OCA2: variants seen among roughly 807,000 people sequenced by gnomAD.
OCA2 encodes OCA2 melanosomal transmembrane protein, also known as P protein.
Under a neutral mutation model 100.2 loss-of-function variants are expected in OCA2, and 77 were observed. The ratio of observed to expected loss-of-function variants is 0.77; its 90% confidence interval spans 0.64 to 0.93. The LOEUF is 0.93. Ranked by LOEUF, OCA2 falls within the 40% of genes least tolerant of loss-of-function variation. The probability of loss-of-function intolerance (pLI) is 0.00; values close to 1 mark genes in which losing one functional copy is unlikely to be tolerated. For synonymous variants in OCA2, 432 were observed against 439.2 expected (o/e 0.98, Z 0.21); for missense variants, 1,062 against 1,089.1 (o/e 0.98, Z 0.35).
chr15:27,814,948 A>AGG (rs1491372024), intron 23 of OCA2, among the ~76,000 whole-genome samples: 32 of 150,218 alleles, frequency 2.1e-4, no homozygotes, highest in African/African-American at 7.9e-4. Flanking sequence ...AGATAGATAC[A>AGG]GAGATATATA....
intron 21 of OCA2, among the ~76,000 whole-genome samples, chr15:27,862,255 G>A (rs958302381): frequency 2.7e-5 from 4 of 148,406 alleles, no homozygotes; most frequent in African/African-American, 7.6e-5. Flanking sequence ...GAGTCCTCAC[G>A]GACAGAAAGC....
intron 23 of OCA2, among the ~76,000 whole-genome samples, chr15:27,756,919 T>C (rs1049831103): frequency 1.3e-5 from 2 of 152,204 alleles, no homozygotes; most frequent in Non-Finnish European, 2.9e-5. Flanking sequence ...GTCTTGAGGA[T>C]GGCACCAACG....
intron 14 of OCA2, among the ~76,000 whole-genome samples, chr15:27,974,956 T>C (rs960855212): frequency 1.3e-5 from 2 of 152,206 alleles, no homozygotes; most frequent in African/African-American, 4.8e-5. Context: ...TCACCTTTCT[T>C]TCCTACCATC....
chr15:27,734,084 T>C, the OCA2 span, among the ~76,000 whole-genome samples: 1 of 149,892 alleles, frequency 6.7e-6, no homozygotes, highest in East Asian at 2.0e-4. Flanking sequence ...TGCTTGAGCC[T>C]GGCAGGCAGA....
At chr15:27,899,457 T>C (rs1056846699) in intron 19 of OCA2, among the ~76,000 whole-genome samples, 3 of 152,198 alleles carry the variant, frequency 2.0e-5, no homozygotes, top group African/African-American at 7.2e-5. Flanking sequence ...AAATTTATGA[T>C]TAGGTTAGAA....
chr15:27,997,815 G>C (rs1474614650), intron 9 of OCA2, among the ~76,000 whole-genome samples: 24 of 132,126 alleles, frequency 1.8e-4, no homozygotes, highest in South Asian at 4.6e-4. Context: ...CATGAGCATG[G>C]AATGTTCTTC....
chr15:27,903,045 G>C (rs1041995228), intron 19 of OCA2, among the ~76,000 whole-genome samples: 1 of 152,226 alleles, frequency 6.6e-6, no homozygotes, highest in Non-Finnish European at 1.5e-5. Context: ...CAAGGAAGGA[G>C]GCCAAGGGGA....
intron 2 of OCA2, among the ~76,000 whole-genome samples, chr15:28,047,066 C>G (rs552977800): frequency 6.6e-6 from 1 of 152,126 alleles, no homozygotes; most frequent in African/African-American, 2.4e-5. Context: ...GCCTGTGCAT[C>G]CCTCTCTTTG....
intron 18 of OCA2, among the ~76,000 whole-genome samples, chr15:27,947,833 C>T (rs1331541028): frequency 8.5e-5 from 13 of 152,284 alleles, no homozygotes; most frequent in South Asian, 6.2e-4. Flanking sequence ...GTGGTGCCTG[C>T]GCTCACTCTC....
In OCA2 at chr15:27,764,286, T is replaced by C. The variant is rs2031083987; in HGVS notation, c.2433-8814A>G. Reference sequence around the variant, plus strand: ...GGAGATTGGCATCAAATGCCAGCTCTAGTATTTTATATCCTGGCTTCATCA... The same window carrying C: ...GGAGATTGGCATCAAATGCCAGCTCCAGTATTTTATATCCTGGCTTCATCA... On this transcript the variant is annotated intron_variant, in intron 23 of 23. Coordinates refer to ENST00000354638, the MANE Select transcript of OCA2 (RefSeq NM_000275.3). 2.6e-5 allele frequency among the ~76,000 whole-genome samples: 4 copies of C among 152,136 alleles called. No homozygotes were observed. In the South Asian group the frequency reaches 6.2e-4, roughly 24 times the overall value.
intron 18 of OCA2, among the ~76,000 whole-genome samples, chr15:27,935,042 C>T (rs1314273662): frequency 3.3e-5 from 5 of 152,148 alleles, no homozygotes; most frequent in Non-Finnish European, 7.4e-5. Context: ...CTGCTCAGCA[C>T]CGGCTCCTCA....
chr15:27,921,024 A>C (rs2038839209), intron 19 of OCA2, among the ~76,000 whole-genome samples: 1 of 152,108 alleles, frequency 6.6e-6, no homozygotes. Flanking sequence ...AGAATAATAT[A>C]TGTGAAAAAT....
Position 27,957,489 on chromosome 15 carries a change from A to C in OCA2, c.1784+99T>G. 11 of 1,392,228 alleles carry C rather than the reference A, an allele frequency of 7.9e-6. No homozygotes were observed. In the South Asian group the frequency reaches 1.3e-4, roughly 16 times the overall value. 86.2% of individuals were successfully genotyped at this position (1,392,228 alleles called of 1,614,324 possible). A position where few individuals can be genotyped will look rare whatever the true frequency, so the allele number is the denominator to read the frequency against. On this transcript the variant is annotated intron_variant, in intron 16 of 23. Coordinates refer to ENST00000354638, the MANE Select transcript of OCA2 (RefSeq NM_000275.3). This position sits in a 1 kb window ranked among gnomAD's most constrained non-coding sequence, Gnocchi z 4.3. ...GCTTAGCACAGTGTGCGTCACCTAA[A>C]TATCACGTATTAGTATACAGCTAAT...
chr15:27,866,927 G>A (rs899773282), intron 21 of OCA2, among the ~76,000 whole-genome samples: 7 of 152,322 alleles, frequency 4.6e-5, no homozygotes, highest in Non-Finnish European at 7.3e-5. Context: ...GAGGAGAGGT[G>A]TGACAAGGCA....
rs144183112 is a variant in OCA2, at chr15:27,824,095, C to T, written c.2432+20864G>A. ...GCCCTATGCAGCCTTTGGCCAGGCG[C>T]GGTGGCTCATGCCTGTAATCCCAAC... is the stretch of plus-strand genomic sequence containing the variant. On this transcript the variant is annotated intron_variant, in intron 23 of 23. Transcript: ENST00000354638. 4.3e-4 allele frequency among the ~76,000 whole-genome samples: 65 copies of T among 152,302 alleles called. 1 individual carries two copies. The East Asian group carries it at 9.7e-3, about 23-fold the overall frequency.
At chr15:28,092,372 T>C (rs988882919) in intron 1 of OCA2, among the ~76,000 whole-genome samples, 5 of 152,220 alleles carry the variant, frequency 3.3e-5, no homozygotes, top group African/African-American at 1.2e-4. Flanking sequence ...TACATTTTTT[T>C]TGAAACAGGG....
At chr15:28,032,629 CAA>C (rs59831968) in intron 2 of OCA2, among the ~76,000 whole-genome samples, 11 of 141,030 alleles carry the variant, frequency 7.8e-5, no homozygotes, top group African/African-American at 1.0e-4. Context: ...ACTAAAAATA[CAA>C]AAAAAAAAAA....
Position 27,851,407 on chromosome 15 carries a change from G to A in OCA2, c.2313C>T (p.Ala771=), listed in dbSNP as rs140119744. The change falls in exon 22 of 24, where the codon GCC becomes GCT. Residue 771 remains alanine (A), a synonymous_variant. Coordinates refer to ENST00000354638, the MANE Select transcript of OCA2 (RefSeq NM_000275.3). ...CTCCCAGGCAAGCACCGAAGGCCAGGGCATACATGAGCGGCGGTGCGGGCA... is the reference window on the plus strand; with the variant it reads ...CTCCCAGGCAAGCACCGAAGGCCAGAGCATACATGAGCGGCGGTGCGGGCA... ...VGLPAPPLMY[A]LAFGACLGGN... is the part of the protein sequence containing the mutation. 3 of 1,613,904 alleles carry A rather than the reference G, an allele frequency of 1.9e-6. No individual in the cohort carries two copies. The African/African-American group carries it at 4.0e-5, about 22-fold the overall frequency.
Position 28,062,859 on chromosome 15 carries a change from G to A in OCA2, c.227+18789C>T, listed in dbSNP as rs148230178. Among the ~76,000 whole-genome samples the A allele has an allele frequency of 2.8e-4, 42 of 152,238 alleles. No individual in the cohort carries two copies. The East Asian group carries it at 8.1e-3, about 29-fold the overall frequency. On this transcript the variant is annotated intron_variant, in intron 2 of 23. Coordinates refer to ENST00000354638, the MANE Select transcript of OCA2 (RefSeq NM_000275.3). The stretch of plus-strand genomic sequence containing the variant: ...TTAATACCCTTGGTGAAAATCAATT[G>A]AATTTACATATAAGAGTTTATTTCT...
Sources: allele counts gnomAD v4.1 joint callset (sites outside exome capture counted in the v4.1 genomes callset), GRCh38; gene constraint gnomAD v4.1.1; non-coding constraint Gnocchi (gnomAD v3.1); transcripts MANE v1.5; gene names NCBI Gene and HGNC (gene_info 2026-07-23, HGNC 2026-07-21).